Variants in RANBP17 observed in about 807,000 individuals in gnomAD.
RANBP17 encodes RAN binding protein 17, also known as ran-binding protein 17.
RANBP17 carries 158 observed loss-of-function variants against 141.2 expected under a neutral mutation model. The ratio of observed to expected loss-of-function variants is 1.12; its 90% confidence interval spans 0.98 to 1.28. The LOEUF (loss-of-function observed/expected upper bound fraction) is 1.28. RANBP17 is among the 50% of genes most tolerant of loss of function. The pLI is 0.00. For missense variants in RANBP17, 1,438 were observed against 1,290.7 expected, an observed-to-expected ratio of 1.11 and a Z score of -1.75; for synonymous variants, 430 against 450.0, an observed-to-expected ratio of 0.96 and a Z score of 0.56.
At chr5:171,079,795 A>AT (rs924571367) in intron 14 of RANBP17, among the ~76,000 whole-genome samples, 2 of 152,148 alleles carry the variant, frequency 1.3e-5, no homozygotes, top group South Asian at 2.1e-4. Flanking sequence ...AAATGCAACA[A>AT]TTTTTTTTGC....
At chr5:170,973,176 A>G (rs540370196) in intron 14 of RANBP17, among the ~76,000 whole-genome samples, 2 of 152,310 alleles carry the variant, frequency 1.3e-5, no homozygotes, top group Admixed American at 6.5e-5. Flanking sequence ...GGGAACATGG[A>G]CAAGTAAGGA....
At chr5:170,862,634 C>T (rs1766900904) in intron 1 of RANBP17, among the ~76,000 whole-genome samples, 2 of 152,148 alleles carry the variant, frequency 1.3e-5, no homozygotes, top group African/African-American at 4.8e-5. Context: ...GCTACGCGGC[C>T]GCCTCTTCGG....
chr5:171,270,707 T>G (rs1248690714), intron 25 of RANBP17, among the ~76,000 whole-genome samples: 1 of 152,136 alleles, frequency 6.6e-6, no homozygotes, highest in East Asian at 1.9e-4. Flanking sequence ...TTTATAGAAT[T>G]AGAGGGGCAT....
At chr5:170,960,839 CTACATTATAGCCATGT>C (rs1184862139) in intron 13 of RANBP17, among the ~76,000 whole-genome samples, 1 of 152,228 alleles carries the variant, frequency 6.6e-6, no homozygotes, top group Non-Finnish European at 1.5e-5. Flanking sequence ...CTGCCATTCA[CTACATTATAGCCATGT>C]TGAACATTAT....
intron 24 of RANBP17, chr5:171,251,997 A>C: frequency 2.5e-6 from 4 of 1,609,528 alleles, no homozygotes; most frequent in Non-Finnish European, 3.4e-6. Flanking sequence ...TTTGTCGTCC[A>C]TTTCGGGAAA....
At chr5:170,939,107 TTAGAA>T (rs3081428) in intron 12 of RANBP17, among the ~76,000 whole-genome samples, 92,371 of 151,296 alleles carry the variant, frequency 0.61, 29,522 homozygotes, top group South Asian at 0.88. Context: ...CCAGAAGGTG[TTAGAA>T]TATTATTCTC....
At chr5:170,875,112 T>A (rs1165758388) in intron 1 of RANBP17, among the ~76,000 whole-genome samples, 1 of 152,180 alleles carries the variant, frequency 6.6e-6, no homozygotes, top group East Asian at 1.9e-4. Flanking sequence ...GATATGACAT[T>A]CTGGGTTGAA....
intron 14 of RANBP17, among the ~76,000 whole-genome samples, chr5:171,000,415 CTT>C (rs1779120216): frequency 6.6e-6 from 1 of 152,126 alleles, no homozygotes; most frequent in South Asian, 2.1e-4. Context: ...TTACTGAAGT[CTT>C]TTATTCATAC....
At chr5:170,966,461 G>A (rs928017904) in intron 13 of RANBP17, among the ~76,000 whole-genome samples, 5 of 152,172 alleles carry the variant, frequency 3.3e-5, no homozygotes, top group African/African-American at 1.2e-4. Context: ...TATCTCAATA[G>A]ATGCAGAAAA....
chr5:170,985,916 C>A (rs539824221), intron 14 of RANBP17, among the ~76,000 whole-genome samples: 63 of 152,022 alleles, frequency 4.1e-4, no homozygotes, highest in Non-Finnish European at 7.5e-4. Flanking sequence ...TTATTTTTTG[C>A]CTTCATTCTT....
intron 14 of RANBP17, among the ~76,000 whole-genome samples, chr5:170,989,460 A>G (rs1778362202): frequency 6.6e-6 from 1 of 151,826 alleles, no homozygotes; most frequent in South Asian, 2.1e-4. Context: ...TGTTTCCTGC[A>G]AAACTGAATG....
intron 14 of RANBP17, among the ~76,000 whole-genome samples, chr5:171,042,797 T>C (rs1373087635): frequency 6.6e-6 from 1 of 152,170 alleles, no homozygotes; most frequent in Non-Finnish European, 1.5e-5. Context: ...CATCATCTTT[T>C]TGTCAGGACA....
chr5:171,252,811 C>G (rs998925253), intron 24 of RANBP17: 45 of 1,220,068 alleles, frequency 3.7e-5, no homozygotes, highest in Non-Finnish European at 1.1e-5. Flanking sequence ...CAGCATTGGT[C>G]CCAGTCGAGG....
chr5:171,131,601 G>A (rs1351934657), intron 14 of RANBP17, among the ~76,000 whole-genome samples: 4 of 152,212 alleles, frequency 2.6e-5, no homozygotes, highest in African/African-American at 2.4e-5. Context: ...CTTCAAATTT[G>A]TACTGAAGTA....
intron 21 of RANBP17, among the ~76,000 whole-genome samples, chr5:171,216,729 AGGAATGCTT>A (rs1763245189): frequency 1.3e-5 from 2 of 152,208 alleles, no homozygotes; most frequent in Non-Finnish European, 2.9e-5. Context: ...GTTGGTATAT[AGGAATGCTT>A]GTGATTTTTG....
At chr5:171,259,676 A>G (rs1388558080) in intron 24 of RANBP17, among the ~76,000 whole-genome samples, 1 of 152,188 alleles carries the variant, frequency 6.6e-6, no homozygotes, top group Non-Finnish European at 1.5e-5. Context: ...GTGGAGGTAG[A>G]GAATGGAAAG....
chr5:170,957,111 GCA>G (rs1775783822), intron 13 of RANBP17, among the ~76,000 whole-genome samples: 2 of 90,502 alleles, frequency 2.2e-5, no homozygotes, highest in African/African-American at 3.7e-5. Context: ...ACACACACGC[GCA>G]CACTGCCACT....
At chr5:171,054,356 G>A (rs1006229102) in intron 14 of RANBP17, among the ~76,000 whole-genome samples, 1 of 152,074 alleles carries the variant, frequency 6.6e-6, no homozygotes, top group African/African-American at 2.4e-5. Flanking sequence ...GCTAAACAAG[G>A]GATTGATTAT....
At chr5:170,988,910 C>T (rs1362337343) in intron 14 of RANBP17, among the ~76,000 whole-genome samples, 1 of 151,720 alleles carries the variant, frequency 6.6e-6, no homozygotes, top group Non-Finnish European at 1.5e-5. Context: ...TAGCTACTGG[C>T]AACCAGTTTG....
Sources: allele counts gnomAD v4.1 joint callset (sites outside exome capture counted in the v4.1 genomes callset), GRCh38; gene constraint gnomAD v4.1.1; transcripts MANE v1.5; gene names NCBI Gene and HGNC (gene_info 2026-07-23, HGNC 2026-07-21).